MACF1: variants seen among roughly 807,000 people sequenced by gnomAD.
The protein encoded by MACF1 is microtubule-actin cross-linking factor 1.
A neutral mutation model predicts 854.8 loss-of-function variants in MACF1; 193 were observed. The ratio of observed to expected loss-of-function variants is 0.23; its 90% CI spans 0.20 to 0.25. MACF1 has a LOEUF of 0.25. Ranked by LOEUF, MACF1 falls within the 10% of genes least tolerant of loss-of-function variation. The pLI is 1.00. For synonymous variants in MACF1, 3,185 were observed against 3,226.7 expected, an observed-to-expected ratio of 0.99 and a Z score of 0.44; for missense variants, 7,722 against 8,929.1, an observed-to-expected ratio of 0.86 and a Z score of 5.45.
intron 2 of MACF1, among the ~76,000 whole-genome samples, chr1:39,245,938 C>G (rs934435633): frequency 1.3e-5 from 2 of 152,140 alleles, no homozygotes; most frequent in African/African-American, 4.8e-5. Context: ...CTCTACCACT[C>G]TCTTGAGAAA....
intron 2 of MACF1, among the ~76,000 whole-genome samples, chr1:39,168,520 G>A (rs1571126871): frequency 6.6e-6 from 1 of 152,064 alleles, no homozygotes. Flanking sequence ...TGTGGAGAAC[G>A]GTCTCGCTAT....
At chr1:39,485,007 T>G in intron 100 of MACF1, 1 of 504,512 alleles carries the variant, frequency 2.0e-6, no homozygotes. Context: ...AAAGGAAATG[T>G]GGGTCTTCCT....
At chr1:39,242,201 T>A (rs1644932184) in intron 2 of MACF1, among the ~76,000 whole-genome samples, 1 of 151,682 alleles carries the variant, frequency 6.6e-6, no homozygotes, top group African/African-American at 2.4e-5. Context: ...TACAAAAAAA[T>A]TAGCTGGGCG....
intron 2 of MACF1, among the ~76,000 whole-genome samples, chr1:39,155,829 C>T (rs1053154581): frequency 7.9e-5 from 12 of 152,152 alleles, no homozygotes; most frequent in Non-Finnish European, 1.3e-4. Context: ...AAGCAATTCT[C>T]CTGCCTCAGC....
At chr1:39,254,430 C>G in intron 5 of MACF1, 55 bp downstream of exon 5, 11 of 1,518,336 alleles carry the variant, frequency 7.2e-6, no homozygotes, top group Non-Finnish European at 9.1e-6. Flanking sequence ...CATTGGGGCC[C>G]TATTCAGAGA....
chr1:39,444,439 A>T (rs1478925774), intron 79 of MACF1, among the ~76,000 whole-genome samples: 1 of 152,202 alleles, frequency 6.6e-6, no homozygotes, highest in Non-Finnish European at 1.5e-5. Context: ...TTTTAATACA[A>T]ATGAATTCTA....
chr1:39,290,146 T>C, intron 15 of MACF1, among the ~76,000 whole-genome samples: 1 of 152,188 alleles, frequency 6.6e-6, no homozygotes, highest in East Asian at 1.9e-4. Flanking sequence ...GTATTTCTGG[T>C]GTTTTCTTGT....
intron 6 of MACF1, chr1:39,268,698 A>T (rs1645265327): frequency 7.9e-7 from 1 of 1,273,358 alleles, no homozygotes; most frequent in South Asian, 1.3e-5. Context: ...GAGGAAGGAA[A>T]TGGGAAATTC....
chr1:39,085,470 A>C (rs1321613108), intron 2 of MACF1, among the ~76,000 whole-genome samples: 2 of 152,078 alleles, frequency 1.3e-5, no homozygotes, highest in Non-Finnish European at 2.9e-5. Context: ...TGTGTCCCTC[A>C]AATAATACAG....
intron 51 of MACF1, among the ~76,000 whole-genome samples, chr1:39,371,400 A>G (rs1402002068): frequency 6.6e-6 from 1 of 152,024 alleles, no homozygotes; most frequent in Non-Finnish European, 1.5e-5. Flanking sequence ...ATTAGGCAAT[A>G]TGAGTAGAGC....
In MACF1 at chr1:39,335,242, A is replaced by G; in HGVS notation, c.8654A>G (p.His2885Arg). 1 of 1,614,026 alleles carries G rather than the reference A, an allele frequency of 6.2e-7. No individual in the cohort carries two copies. Among genetic ancestry groups the G allele is most frequent in the Non-Finnish European group, 8.5e-7 (1 of 1,179,902 alleles). Residue 2885 changes from histidine (H) to arginine (R), a missense_variant, in exon 37 of 101, where the codon CAC (histidine) becomes CGC (arginine). By Grantham distance (29) the His-to-Arg change is conservative. This residue lies in a region of MACF1 where 854 missense variants were observed against 852.6 expected (regional missense o/e 1.00). Coordinates refer to ENST00000564288, the MANE Select transcript of MACF1 (RefSeq NM_001394062.1). ...TCCTTGGGCCAAGTGTCATTGACAC[A>G]CCCTTACTCTGAATGTGATTTTAAA... ...GKSLGQVSLTHPYSECDFKLK... is the reference protein window; with the variant it reads ...GKSLGQVSLTRPYSECDFKLK...
rs1644265033 is a variant in MACF1 at position 39,448,161 on chromosome 1, G to A, written c.20088+9G>A. The A allele has an allele frequency of 1.2e-6, 2 of 1,610,704 alleles. No homozygotes were observed. Among genetic ancestry groups the A allele is most frequent in the South Asian group, 1.1e-5 (1 of 90,692 alleles). ...AGCTTTCTAAGCATAAGGTAAAGCA[G>A]TTAATTGCTCTTAGGTCCCAAGCCA... On this transcript the variant is annotated intron_variant, in intron 83 of 100. Transcript: ENST00000564288.
At chr1:39,456,873 A>G (rs541052595) in intron 89 of MACF1, 1 of 152,176 alleles carries the variant, frequency 6.6e-6, no homozygotes, top group South Asian at 2.1e-4. Context: ...TTCAGTCTTT[A>G]TTTTGTTTGA....
chr1:39,104,658 G>T (rs1484781435), intron 2 of MACF1, among the ~76,000 whole-genome samples: 2 of 152,062 alleles, frequency 1.3e-5, no homozygotes, highest in African/African-American at 4.8e-5. Flanking sequence ...TCCCGTTTTC[G>T]TGCCTCCCTG....
At chr1:39,169,550 G>A (rs1643918518) in intron 2 of MACF1, among the ~76,000 whole-genome samples, 1 of 150,526 alleles carries the variant, frequency 6.6e-6, no homozygotes, top group Admixed American at 6.6e-5. Flanking sequence ...AGGCTGCAGT[G>A]AGCCATGACC....
At chr1:39,416,978 AT>A (rs1451974566) in intron 58 of MACF1, among the ~76,000 whole-genome samples, 2 of 152,254 alleles carry the variant, frequency 1.3e-5, no homozygotes, top group African/African-American at 4.8e-5. Context: ...GTGAAATATT[AT>A]TTTAAAAGGT....
At chr1:39,243,692 C>T (rs1036735929) in intron 2 of MACF1, among the ~76,000 whole-genome samples, 3 of 152,126 alleles carry the variant, frequency 2.0e-5, no homozygotes, top group Admixed American at 6.5e-5. Context: ...CTTGAGCCAC[C>T]GCACCTGGCC....
intron 74 of MACF1, among the ~76,000 whole-genome samples, chr1:39,441,558 C>G (rs747433739): frequency 1.6e-4 from 24 of 152,178 alleles, no homozygotes; most frequent in Admixed American, 3.9e-4. Flanking sequence ...ATCATAGATT[C>G]ATTCAGCTAC....
At chr1:39,241,119 TTC>T (rs1644918238) in intron 2 of MACF1, among the ~76,000 whole-genome samples, 1 of 151,972 alleles carries the variant, frequency 6.6e-6, no homozygotes, top group Admixed American at 6.6e-5. Context: ...CAATATCGGT[TTC>T]TGTTTTTACA....
Sources: gnomAD v4.1 joint callset for allele counts (sites outside exome capture counted in the v4.1 genomes callset) on GRCh38, gnomAD v4.1.1 for gene constraint, gnomAD v4.1.1 regional missense constraint, MANE v1.5 for transcripts, NCBI Gene and HGNC (gene_info 2026-07-23, HGNC 2026-07-21) for gene names.